Variants in SMPDL3A observed in about 807,000 individuals in gnomAD.
SMPDL3A encodes cyclic GMP-AMP phosphodiesterase SMPDL3A.
In SMPDL3A, 39 loss-of-function variants were observed where a neutral mutation model predicts 38.5. The ratio of observed to expected loss-of-function variants is 1.01; its 90% CI spans 0.78 to 1.32. The LOEUF is 1.32. SMPDL3A is among the 40% of genes most tolerant of loss of function. SMPDL3A has a pLI of 0.00. For synonymous variants in SMPDL3A, 180 were observed against 194.3 expected, an observed-to-expected ratio of 0.93 and a Z score of 0.61; for missense variants, 502 against 536.2, an observed-to-expected ratio of 0.94 and a Z score of 0.63.
chr6:122,797,542 A>G (rs1175803826), intron 3 of SMPDL3A, among the ~76,000 whole-genome samples: 1 of 152,164 alleles, frequency 6.6e-6, no homozygotes, highest in Non-Finnish European at 1.5e-5. Context: ...CCCCGGCTCA[A>G]CAGGTTTTTA....
At position 122,809,221 on chromosome 6, in the gene SMPDL3A, C is replaced by G; in HGVS notation, c.1175C>G (p.Ala392Gly). ...CAGCCGGAAAGTTTATATGGATTAG[C>G]TAAACAATTTACAATCCTAGACAGT... The part of the protein sequence containing the change: ...DLQPESLYGL[A>G]KQFTILDSKQ... The change falls in exon 8 of 8, where the codon GCT becomes GGT. Residue 392 changes from alanine to glycine, a missense_variant. By Grantham distance (60) the Ala-to-Gly change is moderately conservative. Coordinates refer to ENST00000368440, the MANE Select transcript of SMPDL3A (RefSeq NM_006714.5). 6.2e-7 allele frequency: 1 copy of G among 1,614,130 alleles called. No homozygotes were observed. The highest frequency in any genetic ancestry group is 1.7e-5 in the Admixed American group (1 of 60,008).
At chr6:122,799,303 C>T (rs1781348269) in intron 3 of SMPDL3A, among the ~76,000 whole-genome samples, 1 of 152,176 alleles carries the variant, frequency 6.6e-6, no homozygotes, top group Non-Finnish European at 1.5e-5. Flanking sequence ...GTGGTTATGT[C>T]ACAGCCAAAA....
intron 7 of SMPDL3A, among the ~76,000 whole-genome samples, chr6:122,807,747 CT>C (rs1328734525): frequency 6.6e-6 from 1 of 151,254 alleles, no homozygotes; most frequent in Non-Finnish European, 1.5e-5. Flanking sequence ...GGAGATGGTT[CT>C]GTTATTCCCC....
At chr6:122,795,275 G>A (rs1781205175) in intron 1 of SMPDL3A, among the ~76,000 whole-genome samples, 1 of 152,068 alleles carries the variant, frequency 6.6e-6, no homozygotes, top group Non-Finnish European at 1.5e-5. Context: ...CCAAATAGCT[G>A]GGATTACAGG....
chr6:122,804,863 T>C (rs1781549560), intron 5 of SMPDL3A, 46 bp from the exon 6 acceptor site: 2 of 1,515,510 alleles, frequency 1.3e-6, no homozygotes, highest in African/African-American at 2.8e-5. Context: ...TTATGATGAA[T>C]GTGCAGAAAG....
At position 122,809,488 on chromosome 6, in the gene SMPDL3A, T is replaced by A; in HGVS notation, c.*80T>A. The A allele has an allele frequency of 9.1e-7, 1 of 1,097,090 alleles. No individual in the cohort carries two copies. Among genetic ancestry groups the A allele is most frequent in the Non-Finnish European group, 1.3e-6 (1 of 761,454 alleles). The allele number at this position is 1,097,090 out of a possible 1,614,324, so 68.0% of individuals were successfully genotyped here. A position where few individuals can be genotyped will look rare whatever the true frequency, so the allele number is the denominator to read the frequency against. ...GTGGGAATTTTACATAAATCTTTGTTAATTACTGAGTGGGCAAGTAGACTT... is the reference window on the plus strand; with the variant it reads ...GTGGGAATTTTACATAAATCTTTGTAAATTACTGAGTGGGCAAGTAGACTT... On this transcript the variant is annotated 3_prime_UTR_variant, in exon 8 of 8. Coordinates refer to ENST00000368440, the MANE Select transcript of SMPDL3A (RefSeq NM_006714.5).
At chr6:122,794,159 C>T (rs1381799648) in intron 1 of SMPDL3A, among the ~76,000 whole-genome samples, 2 of 152,184 alleles carry the variant, frequency 1.3e-5, no homozygotes, top group Admixed American at 6.5e-5. Flanking sequence ...AAAATGAGGA[C>T]CATAATTCCC....
At chr6:122,798,778 CA>C (rs1411522505) in intron 3 of SMPDL3A, among the ~76,000 whole-genome samples, 1 of 152,120 alleles carries the variant, frequency 6.6e-6, no homozygotes, top group Non-Finnish European at 1.5e-5. Flanking sequence ...TCTTACAATT[CA>C]AAGACAGAAA....
At chr6:122,804,777 A>G (rs1221537871) in intron 5 of SMPDL3A, 132 bp from the exon 6 acceptor site, 2 of 703,148 alleles carry the variant, frequency 2.8e-6, no homozygotes, top group East Asian at 2.9e-5. Context: ...TTTCTTATAA[A>G]TAGAAGAGAT....
At chr6:122,797,512 G>T (rs1781289070) in intron 3 of SMPDL3A, among the ~76,000 whole-genome samples, 1 of 152,188 alleles carries the variant, frequency 6.6e-6, no homozygotes, top group Admixed American at 6.5e-5. Flanking sequence ...CATGTTCAGA[G>T]CATTTAATGC....
chr6:122,797,603 A>G (rs1302389781), intron 3 of SMPDL3A, among the ~76,000 whole-genome samples: 1 of 152,186 alleles, frequency 6.6e-6, no homozygotes, highest in Non-Finnish European at 1.5e-5. Context: ...GGTTTACAGC[A>G]TCCTATTGTA....
Position 122,789,325 on chromosome 6 carries a change from C to G in SMPDL3A, c.-22C>G, listed in dbSNP as rs1234837705. On this transcript the variant is annotated 5_prime_UTR_variant, in exon 1 of 8. Transcript: ENST00000368440. ...GGAGCTGCGGGACAGCCCGAACCTC[C>G]AGGTCAGCCCCGCGGCCCTCCATGG... The G allele has an allele frequency of 6.6e-7, 1 of 1,520,910 alleles. No homozygotes were observed. The highest frequency in any genetic ancestry group is 8.9e-7 in the Non-Finnish European group (1 of 1,129,242). The allele number at this position is 1,520,910 out of a possible 1,614,324, so 94.2% of individuals were successfully genotyped here. A position where few individuals can be genotyped will look rare whatever the true frequency, so the allele number is the denominator to read the frequency against.
At chr6:122,801,223 C>T (rs914087223) in intron 3 of SMPDL3A, 87 bp from the exon 4 acceptor site, 24 of 862,686 alleles carry the variant, frequency 2.8e-5, no homozygotes, top group African/African-American at 2.0e-4. Flanking sequence ...AGATGCCTAA[C>T]GTAGTAGTCA....
At chr6:122,805,964 A>C (rs1781601361) in intron 6 of SMPDL3A, among the ~76,000 whole-genome samples, 2 of 152,224 alleles carry the variant, frequency 1.3e-5, no homozygotes, top group South Asian at 4.1e-4. Context: ...TTGGCACTAC[A>C]TATTCTATAT....
At chr6:122,792,945 G>T (rs1582534880) in intron 1 of SMPDL3A, among the ~76,000 whole-genome samples, 1 of 152,296 alleles carries the variant, frequency 6.6e-6, no homozygotes, top group African/African-American at 2.4e-5. Context: ...GAGAGGAATT[G>T]TATGTGGATA....
intron 1 of SMPDL3A, 36 bp downstream of exon 1, chr6:122,789,494 A>G (rs1339167942): frequency 1.3e-6 from 2 of 1,512,760 alleles, no homozygotes; most frequent in Non-Finnish European, 1.8e-6. Context: ...CCCAGCCGGC[A>G]AAGAGCGCGG....
chr6:122,797,015 A>G (rs747172051), intron 3 of SMPDL3A, 47 bp downstream of exon 3: 1 of 1,532,772 alleles, frequency 6.5e-7, no homozygotes, highest in South Asian at 1.2e-5. Context: ...TTTTCCTATT[A>G]GTAGTGTCAA....
chr6:122,808,809 G>A (rs1353385800), intron 7 of SMPDL3A, among the ~76,000 whole-genome samples: 1 of 151,930 alleles, frequency 6.6e-6, no homozygotes, highest in Non-Finnish European at 1.5e-5. Context: ...AGCCTCCTGA[G>A]TAGCTGGGAT....
chr6:122,801,214 G>A, intron 3 of SMPDL3A, 96 bp from the exon 4 acceptor site: 1 of 797,604 alleles, frequency 1.3e-6, no homozygotes, highest in East Asian at 2.5e-5. Context: ...TGCATCTCTA[G>A]ATGCCTAACG....
Sources: allele counts gnomAD v4.1 joint callset (sites outside exome capture counted in the v4.1 genomes callset), GRCh38; gene constraint gnomAD v4.1.1; transcripts MANE v1.5; gene names NCBI Gene and HGNC (gene_info 2026-07-23, HGNC 2026-07-21).